M1AP: variants seen among roughly 807,000 people sequenced by gnomAD.
The protein encoded by M1AP is meiosis 1 arrest protein.
Under a neutral mutation model 51.2 loss-of-function variants are expected in M1AP, and 39 were observed. The observed-to-expected ratio is 0.76, with a 90% CI of 0.59 to 1.00. The LOEUF (loss-of-function observed/expected upper bound fraction) is 1.00. Among genes scored for constraint, M1AP ranks in the 50% least tolerant of loss-of-function variants. The pLI, the probability that M1AP is intolerant of heterozygous loss-of-function variation, is 0.00. For missense variants in M1AP, 545 were observed against 641.2 expected, an observed-to-expected ratio of 0.85 and a Z score of 1.62; for synonymous variants, 251 against 249.2, an observed-to-expected ratio of 1.01 and a Z score of -0.07.
intron 7 of M1AP, among the ~76,000 whole-genome samples, chr2:74,574,820 T>C (rs1400172951): frequency 6.6e-6 from 1 of 152,218 alleles, no homozygotes; most frequent in Non-Finnish European, 1.5e-5. Context: ...TCTTTGCACA[T>C]GCCTTTCCTT....
At chr2:74,566,793 T>G (rs765871643) in intron 7 of M1AP, among the ~76,000 whole-genome samples, 1 of 152,196 alleles carries the variant, frequency 6.6e-6, no homozygotes, top group African/African-American at 2.4e-5. Context: ...CACCCAGTTA[T>G]AGCCCAACTG....
intron 7 of M1AP, among the ~76,000 whole-genome samples, chr2:74,563,534 G>A (rs1678170807): frequency 6.6e-6 from 1 of 151,738 alleles, no homozygotes; most frequent in East Asian, 1.9e-4. Context: ...GGGAGGTGGA[G>A]GTTGCAGTGA....
At chr2:74,610,423 A>C (rs1681268602) in intron 3 of M1AP, among the ~76,000 whole-genome samples, 1 of 151,874 alleles carries the variant, frequency 6.6e-6, no homozygotes, top group Non-Finnish European at 1.5e-5. Flanking sequence ...ATTAAAAAAA[A>C]TCCTTGCCCA....
intron 3 of M1AP, 86 bp downstream of exon 3, chr2:74,614,874 AAGAT>A: frequency 8.3e-7 from 1 of 1,210,964 alleles, no homozygotes; most frequent in South Asian, 1.3e-5. Flanking sequence ...GAGTGAATGA[AAGAT>A]AGAACAATGT....
chr2:74,594,533 A>G (rs1680217941), intron 4 of M1AP, among the ~76,000 whole-genome samples: 1 of 152,126 alleles, frequency 6.6e-6, no homozygotes, highest in Non-Finnish European at 1.5e-5. Context: ...TGAGGCCGAA[A>G]AAATATTTAA....
chr2:74,562,925 G>A (rs2104510661), intron 7 of M1AP, among the ~76,000 whole-genome samples: 1 of 151,974 alleles, frequency 6.6e-6, no homozygotes, highest in East Asian at 1.9e-4. Flanking sequence ...GTCTCAAAAG[G>A]AAAAAGAAAA....
At chr2:74,636,503 G>C (rs778878413) in intron 2 of M1AP, among the ~76,000 whole-genome samples, 1 of 151,788 alleles carries the variant, frequency 6.6e-6, no homozygotes, top group Admixed American at 6.6e-5. Context: ...TTTTCTGCTT[G>C]TTCCCTCTGT....
intron 1 of M1AP, among the ~76,000 whole-genome samples, chr2:74,642,388 T>C (rs760363052): frequency 7.9e-5 from 12 of 152,102 alleles, no homozygotes; most frequent in Non-Finnish European, 1.5e-4. Flanking sequence ...AGAAAAATGA[T>C]ATGATCATCC....
intron 3 of M1AP, among the ~76,000 whole-genome samples, chr2:74,612,297 C>T (rs1318299946): frequency 1.3e-5 from 2 of 152,036 alleles, no homozygotes; most frequent in Admixed American, 6.6e-5. Context: ...TAGCTCACTG[C>T]AGCCTCAAAC....
chr2:74,579,821 T>C (rs989593604), intron 5 of M1AP, among the ~76,000 whole-genome samples: 1 of 152,146 alleles, frequency 6.6e-6, no homozygotes, highest in African/African-American at 2.4e-5. Flanking sequence ...AAAAACATTT[T>C]TTTAGAGATA....
intron 5 of M1AP, chr2:74,577,016 C>T: frequency 1.8e-6 from 1 of 556,432 alleles, no homozygotes; most frequent in Non-Finnish European, 2.3e-6. Context: ...CTTTGGCAAT[C>T]ACAGAAGGAA....
chr2:74,599,495 G>T (rs1404573446), intron 4 of M1AP, among the ~76,000 whole-genome samples: 1 of 151,958 alleles, frequency 6.6e-6, no homozygotes, highest in African/African-American at 2.4e-5. Context: ...GTTTCAATAT[G>T]ACTTAATGGC....
chr2:74,562,554 G>A (rs1206377427), intron 7 of M1AP, 131 bp from the exon 8 acceptor site: 1 of 865,972 alleles, frequency 1.2e-6, no homozygotes, highest in Non-Finnish European at 1.8e-6. Flanking sequence ...TTCGGCCCTG[G>A]TAGGGAGGGA....
At position 74,614,971 on chromosome 2, in the gene M1AP, G is replaced by A. The variant is rs1681578000; in HGVS notation, c.419C>T (p.Ser140Phe). ...AAGGCCAGCATCACTTACCTCCAGG[G>A]AGGTATAGGTCAGAGCTGCCCTTGT... ...VTTRAALTYT[S>F]LEITILTSQP... The change falls in exon 3 of 11, where the codon TCC (serine) becomes TTC (phenylalanine). Residue 140 changes from serine (S) to phenylalanine (F), a missense_variant. Ser to Phe is a radical substitution (Grantham distance 155). Transcript: ENST00000421985. 6.2e-7 allele frequency: 1 copy of A among 1,614,010 alleles called. No homozygotes were observed. Among genetic ancestry groups the A allele is most frequent in the Non-Finnish European group, 8.5e-7 (1 of 1,179,940 alleles).
intron 2 of M1AP, among the ~76,000 whole-genome samples, chr2:74,625,864 C>T (rs1383172254): frequency 6.6e-6 from 1 of 152,224 alleles, no homozygotes; most frequent in Admixed American, 6.5e-5. Flanking sequence ...CTTACTTGTT[C>T]CTCCCCGTGA....
chr2:74,613,010 C>T (rs1307859167), intron 3 of M1AP, among the ~76,000 whole-genome samples: 1 of 151,594 alleles, frequency 6.6e-6, no homozygotes, highest in Non-Finnish European at 1.5e-5. Context: ...CAGATTTGAA[C>T]ATTTCTATTG....
At chr2:74,561,051 TGGAGGAGGAGGGGAGGAGGAGGA>T (rs1264903092) in intron 8 of M1AP, among the ~76,000 whole-genome samples, 5 of 80,344 alleles carry the variant, frequency 6.2e-5, no homozygotes, top group Non-Finnish European at 1.3e-4. Flanking sequence ...GAGAAACAGG[TGGAGGAGGAGGGGAGGAGGAGGA>T]GGAGGAGGAG....
Position 74,581,851 on chromosome 2 carries a change from C to A in M1AP, c.596-4G>T. The A allele has an allele frequency of 6.2e-7, 1 of 1,606,492 alleles. No homozygotes were observed. The highest frequency in any genetic ancestry group is 8.5e-7 in the Non-Finnish European group (1 of 1,174,948). On this transcript the variant is annotated splice_polypyrimidine_tract_variant and splice_region_variant and intron_variant, in intron 4 of 10. Transcript: ENST00000421985. The stretch of plus-strand genomic sequence containing the variant: ...TCAGTTCCCAGAATAGAACTCTCTG[C>A]AAAAGAAAGGGAAATAAAGTGTTCA...
chr2:74,617,986 T>C (rs1573155395), intron 2 of M1AP, among the ~76,000 whole-genome samples: 1 of 152,150 alleles, frequency 6.6e-6, no homozygotes, highest in Non-Finnish European at 1.5e-5. Context: ...AAGCAAGAGA[T>C]TGACCCATAT....
Sources: gnomAD v4.1 joint callset for allele counts (sites outside exome capture counted in the v4.1 genomes callset) on GRCh38, gnomAD v4.1.1 for gene constraint, MANE v1.5 for transcripts, NCBI Gene and HGNC (gene_info 2026-07-23, HGNC 2026-07-21) for gene names.